The following RORA variants were observed in gnomAD, a reference collection of about 807,000 sequenced individuals.
The protein encoded by RORA is nuclear receptor ROR-alpha.
A neutral mutation model predicts 69.5 loss-of-function variants in RORA; 7 were observed. That is an observed-to-expected ratio of 0.10 (90% confidence interval 0.06 to 0.19). The LOEUF (loss-of-function observed/expected upper bound fraction) is 0.19, where lower values mean the gene tolerates loss of function less well. Ranked by LOEUF, RORA falls within the 10% of genes least tolerant of loss-of-function variation. The probability of loss-of-function intolerance (pLI) is 1.00; values close to 1 mark genes in which losing one functional copy is unlikely to be tolerated. For missense variants in RORA, 457 were observed against 663.0 expected, an observed-to-expected ratio of 0.69 and a Z score of 3.41; for synonymous variants, 261 against 240.8, an observed-to-expected ratio of 1.08 and a Z score of -0.78.
intron 2 of RORA, among the ~76,000 whole-genome samples, chr15:60,564,859 G>A (rs566766840): frequency 2.0e-5 from 3 of 152,224 alleles, no homozygotes; most frequent in South Asian, 4.1e-4. Flanking sequence ...GCACCCGAAC[G>A]AAAACCCTGC....
chr15:61,191,854 A>C (rs534671997), intron 1 of RORA, among the ~76,000 whole-genome samples: 1 of 152,388 alleles, frequency 6.6e-6, no homozygotes, highest in South Asian at 2.1e-4. Flanking sequence ...AATAACAGGA[A>C]TATTTAAAAA....
At chr15:60,649,921 C>T (rs1050338287) in intron 2 of RORA, among the ~76,000 whole-genome samples, 9 of 152,164 alleles carry the variant, frequency 5.9e-5, no homozygotes, top group Non-Finnish European at 8.8e-5. Context: ...TGACACCCTC[C>T]CTCTGCCGTG....
chr15:60,520,485 GGAA>G (rs771150647), intron 3 of RORA, among the ~76,000 whole-genome samples: 16 of 152,140 alleles, frequency 1.1e-4, no homozygotes, highest in Admixed American at 3.9e-4. Flanking sequence ...ACACATAAGA[GGAA>G]GAAGGATTAG....
At chr15:61,102,441 C>T (rs1474186996) in intron 1 of RORA, among the ~76,000 whole-genome samples, 1 of 152,234 alleles carries the variant, frequency 6.6e-6, no homozygotes. Context: ...ACTGTCAGAG[C>T]CACAGCTGAG....
chr15:61,181,680 C>CAAAA (rs749054081), intron 1 of RORA, among the ~76,000 whole-genome samples: 1 of 57,742 alleles, frequency 1.7e-5, no homozygotes. Flanking sequence ...TTAGCTTTGG[C>CAAAA]AAAAAAAAAA....
intron 2 of RORA, among the ~76,000 whole-genome samples, chr15:60,580,367 A>G (rs1458436625): frequency 6.6e-6 from 1 of 152,232 alleles, no homozygotes; most frequent in Non-Finnish European, 1.5e-5. Context: ...CAGGAAAGAA[A>G]AAAGAGGCAT....
At chr15:61,224,306 T>A (rs908485387) in intron 1 of RORA, among the ~76,000 whole-genome samples, 1 of 152,370 alleles carries the variant, frequency 6.6e-6, no homozygotes, top group African/African-American at 2.4e-5. Flanking sequence ...TATGTCATAA[T>A]AGGAGAGGTG....
At position 60,909,301 on chromosome 15, in the gene RORA, T is replaced by C. The variant is rs183603012; in HGVS notation, c.167-230615A>G. On this transcript the variant is annotated intron_variant, in intron 1 of 10. Transcript: ENST00000335670. ...CCACAGACTCCCAGCTGAGCTGAGC[T>C]GTTCTGAGGAGTCAGGAAATTTGGG... Among the ~76,000 whole-genome samples the C allele has an allele frequency of 4.5e-3, 692 of 152,316 alleles. 4 individuals carry two copies. The highest frequency in any genetic ancestry group is 5.6e-3 in the Admixed American group (86 of 15,306).
chr15:60,927,050 T>C (rs1017613118), intron 1 of RORA, among the ~76,000 whole-genome samples: 7 of 152,154 alleles, frequency 4.6e-5, no homozygotes, highest in Non-Finnish European at 7.4e-5. Flanking sequence ...CATTTTGAAA[T>C]AAAAAATAAT....
chr15:60,573,095 T>C (rs1035141729), intron 2 of RORA, among the ~76,000 whole-genome samples: 1 of 152,216 alleles, frequency 6.6e-6, no homozygotes, highest in Non-Finnish European at 1.5e-5. Context: ...CATTCGCTTG[T>C]AGCACCAACA....
chr15:61,083,749 G>GA (rs2078580302), intron 1 of RORA, among the ~76,000 whole-genome samples: 1 of 151,710 alleles, frequency 6.6e-6, no homozygotes, highest in South Asian at 2.1e-4. Context: ...GCTCTTCCCA[G>GA]AAAAAATCAA....
At chr15:60,619,803 A>T (rs984625215) in intron 2 of RORA, among the ~76,000 whole-genome samples, 1 of 152,230 alleles carries the variant, frequency 6.6e-6, no homozygotes, top group African/African-American at 2.4e-5. Context: ...TCAGGGCTTT[A>T]TGCTTTTAAG....
chr15:60,572,478 G>A (rs1362585634), intron 2 of RORA, among the ~76,000 whole-genome samples: 1 of 151,280 alleles, frequency 6.6e-6, no homozygotes, highest in East Asian at 1.9e-4. Context: ...TAGACAACTG[G>A]ATCATCCGGC....
At chr15:60,521,336 G>A (rs145552778) in intron 3 of RORA, among the ~76,000 whole-genome samples, 4 of 151,506 alleles carry the variant, frequency 2.6e-5, no homozygotes, top group South Asian at 2.1e-4. Context: ...CTGCCTCCTG[G>A]GTTCAAGTGA....
At chr15:60,982,311 A>C (rs11631656) in intron 1 of RORA, among the ~76,000 whole-genome samples, 1 of 152,046 alleles carries the variant, frequency 6.6e-6, no homozygotes, top group Non-Finnish European at 1.5e-5. Flanking sequence ...AGCCCTGGAC[A>C]TGTGAATGTT....
intron 1 of RORA, among the ~76,000 whole-genome samples, chr15:60,760,928 G>T (rs565510310): frequency 9.1e-5 from 13 of 142,126 alleles, no homozygotes; most frequent in Non-Finnish European, 2.0e-4. Context: ...ATATGAGATT[G>T]TTGCTTTTGT....
intron 1 of RORA, among the ~76,000 whole-genome samples, chr15:60,975,332 A>G (rs1012122285): frequency 2.6e-5 from 4 of 152,198 alleles, no homozygotes; most frequent in Non-Finnish European, 4.4e-5. Flanking sequence ...AGGCAAACCG[A>G]GTACTGGGTG....
Position 60,910,904 on chromosome 15 carries a change from G to GA in RORA, c.167-232219_167-232218insT, listed in dbSNP as rs368151329. 1.3e-3 allele frequency among the ~76,000 whole-genome samples: 163 copies of GA among 125,212 alleles called. 1 individual carries two copies. Among genetic ancestry groups the GA allele is most frequent in the Middle Eastern group, 4.1e-3 (1 of 246 alleles). 82.1% of individuals were successfully genotyped at this position (125,212 alleles called of 152,430 possible). A position where few individuals can be genotyped will look rare whatever the true frequency, so the allele number is the denominator to read the frequency against. The stretch of plus-strand genomic sequence containing the variant: ...TTTTTTTGTTGTTGTTGTTTTTTGG[G>GA]TTTTTTTTTTTTTTTTGAGATGGAG... On this transcript the variant is annotated intron_variant, in intron 1 of 10. Transcript: ENST00000335670.
In RORA at chr15:60,537,353, G is replaced by A. The variant is rs1040393604; in HGVS notation, c.197-5502C>T. Among the ~76,000 whole-genome samples, 6 of 152,204 alleles carry A rather than the reference G, an allele frequency of 3.9e-5. No homozygotes were observed. The highest frequency in any genetic ancestry group is 1.4e-4 in the African/African-American group (6 of 41,456). ...CTGGCTGTGAGCCTTGCTGCAGAGT[G>A]ACTGCAACAGCCTGGAGAGAGGAAA... On this transcript the variant is annotated intron_variant, in intron 2 of 10. Transcript: ENST00000335670. This position sits in a 1 kb window ranked among gnomAD's most constrained non-coding sequence, Gnocchi z 4.9.
Sources: gnomAD v4.1 joint callset for allele counts (sites outside exome capture counted in the v4.1 genomes callset) on GRCh38, gnomAD v4.1.1 for gene constraint, Gnocchi (gnomAD v3.1) non-coding constraint, MANE v1.5 for transcripts, NCBI Gene and HGNC (gene_info 2026-07-23, HGNC 2026-07-21) for gene names.